SETX: variants seen among roughly 807,000 people sequenced by gnomAD.
The protein encoded by SETX is senataxin.
A neutral mutation model predicts 227.2 loss-of-function variants in SETX; 90 were observed. That is an observed-to-expected ratio of 0.40 (90% CI 0.33 to 0.47). SETX has a LOEUF of 0.47. SETX is among the 20% of genes least tolerant of loss of function. The pLI, the probability that SETX is intolerant of heterozygous loss-of-function variation, is 0.91. For synonymous variants in SETX, 1,210 were observed against 1,113.2 expected, an observed-to-expected ratio of 1.09 and a Z score of -1.73; for missense variants, 3,052 against 3,181.5, an observed-to-expected ratio of 0.96 and a Z score of 0.98.
intron 10 of SETX, among the ~76,000 whole-genome samples, chr9:132,325,766 C>A (rs1589732391): frequency 6.6e-6 from 1 of 151,896 alleles, no homozygotes. Context: ...AACCCCTTCT[C>A]TACTAAAAAT....
chr9:132,306,591 G>A (rs1402404495), intron 11 of SETX, among the ~76,000 whole-genome samples: 3 of 151,908 alleles, frequency 2.0e-5, no homozygotes, highest in African/African-American at 7.3e-5. Context: ...ATATAATTAG[G>A]TTCACCTACT....
intron 10 of SETX, among the ~76,000 whole-genome samples, chr9:132,316,496 TTA>T (rs1349510585): frequency 3.9e-5 from 6 of 151,920 alleles, no homozygotes; most frequent in South Asian, 2.1e-4. Flanking sequence ...CTAATGCTTT[TTA>T]TGTTTTTATG....
intron 4 of SETX, among the ~76,000 whole-genome samples, chr9:132,343,255 G>A (rs956200317): frequency 2.6e-5 from 4 of 152,160 alleles, no homozygotes; most frequent in African/African-American, 9.7e-5. Flanking sequence ...GGAGGTGGAG[G>A]TTGCAGTGAG....
intron 7 of SETX, among the ~76,000 whole-genome samples, chr9:132,333,934 T>C (rs1171069818): frequency 6.6e-6 from 1 of 152,100 alleles, no homozygotes; most frequent in Non-Finnish European, 1.5e-5. Flanking sequence ...AATAATCACA[T>C]GTGGCTGGCA....
At position 132,269,688 on chromosome 9, in the gene SETX, A is replaced by C; in HGVS notation, c.7214T>G (p.Leu2405Trp). ...TGTGATGGTGACATTCAATCTCTGCAAACTTGCCAGGAATCTAGGCAATAA... is the reference window on the plus strand; with the variant it reads ...TGTGATGGTGACATTCAATCTCTGCCAACTTGCCAGGAATCTAGGCAATAA... ...IQGSIGFLAS[L>W]QRLNVTITRA... is the part of the protein sequence containing the mutation. Residue 2405 changes from leucine (L) to tryptophan (W), a missense_variant, in exon 25 of 26, where the codon TTG (leucine) becomes TGG (tryptophan). Physicochemically the swap from Leu to Trp is moderately conservative, Grantham distance 61. Transcript: ENST00000224140. 7 of 1,614,230 alleles carry C rather than the reference A, an allele frequency of 4.3e-6. No homozygotes were observed. Among genetic ancestry groups the C allele is most frequent in the Non-Finnish European group, 5.9e-6 (7 of 1,180,014 alleles).
intron 23 of SETX, among the ~76,000 whole-genome samples, chr9:132,273,983 T>TA (rs397822912): frequency 2.6e-5 from 4 of 151,628 alleles, no homozygotes; most frequent in East Asian, 1.9e-4. Flanking sequence ...TTTTTTTTTT[T>TA]AAATCATCAA....
Position 132,354,934 on chromosome 9 carries a change from C to G in SETX, c.-132G>C, listed in dbSNP as rs933112992. 2.0e-5 allele frequency: 3 copies of G among 152,434 alleles called. No individual in the cohort carries two copies. Among genetic ancestry groups the G allele is most frequent in the Non-Finnish European group, 2.9e-5 (2 of 68,208 alleles). The allele number at this position is 152,434 out of a possible 1,614,324, so 9.4% of individuals were successfully genotyped here. On this transcript the variant is annotated 5_prime_UTR_variant, in exon 1 of 26. Coordinates refer to ENST00000224140, the MANE Select transcript of SETX (RefSeq NM_015046.7). ...ACCCTCACCGCTCTCTGGCTGGCGTCGGCCTCTAGCCCACCTCCATACCGG... is the reference window on the plus strand; with the variant it reads ...ACCCTCACCGCTCTCTGGCTGGCGTGGGCCTCTAGCCCACCTCCATACCGG...
chr9:132,354,073 C>T (rs1677658019), intron 1 of SETX, among the ~76,000 whole-genome samples: 1 of 152,224 alleles, frequency 6.6e-6, no homozygotes, highest in African/African-American at 2.4e-5. Flanking sequence ...TCGGCCTTCT[C>T]CTTGTGGAGC....
At chr9:132,300,479 G>C in intron 12 of SETX, 151 bp downstream of exon 12, 1 of 781,888 alleles carries the variant, frequency 1.3e-6, no homozygotes, top group Non-Finnish European at 2.1e-6. Context: ...AGAAAAACTA[G>C]AAAAGAGACT....
chr9:132,278,672 G>A (rs754288175), intron 20 of SETX, among the ~76,000 whole-genome samples: 1 of 151,940 alleles, frequency 6.6e-6, no homozygotes, highest in South Asian at 2.1e-4. Context: ...CTCATATACT[G>A]CTAATGAAAG....
At chr9:132,284,973 G>A (rs996104732) in intron 18 of SETX, among the ~76,000 whole-genome samples, 2 of 151,770 alleles carry the variant, frequency 1.3e-5, no homozygotes, top group Admixed American at 1.3e-4. Context: ...CTGCCTCCCA[G>A]GTTCACGCCA....
At chr9:132,310,689 G>A (rs1340508257) in intron 11 of SETX, among the ~76,000 whole-genome samples, 1 of 152,102 alleles carries the variant, frequency 6.6e-6, no homozygotes, top group Non-Finnish European at 1.5e-5. Context: ...GCATCTCAAT[G>A]TACAGCTGAC....
chr9:132,342,304 C>A (rs527731702), intron 5 of SETX, among the ~76,000 whole-genome samples: 1 of 152,296 alleles, frequency 6.6e-6, no homozygotes, highest in East Asian at 1.9e-4. Context: ...TCCCTCCCTA[C>A]CTTCCCTTGT....
intron 24 of SETX, among the ~76,000 whole-genome samples, chr9:132,270,724 C>G (rs1279690664): frequency 6.6e-6 from 1 of 152,178 alleles, no homozygotes; most frequent in Non-Finnish European, 1.5e-5. Flanking sequence ...TTTATTCTTA[C>G]ATTTAAATAT....
chr9:132,265,099 T>A, intron 25 of SETX, 114 bp from the exon 26 acceptor site: 2 of 1,243,816 alleles, frequency 1.6e-6, no homozygotes, highest in South Asian at 2.6e-5. Context: ...TATGAACATA[T>A]TCTCAAGATT....
rs1844083300 is a variant in SETX, at chr9:132,288,662, G to A, written c.6107-11C>T. The stretch of plus-strand genomic sequence containing the variant: ...TATCTCCACAGTTTCCTGTTGATAA[G>A]AATCACAGTTAAGGACTAATAAGGA... On this transcript the variant is annotated splice_polypyrimidine_tract_variant and intron_variant, in intron 15 of 25. Transcript: ENST00000224140. 1 of 1,569,376 alleles carries A rather than the reference G, an allele frequency of 6.4e-7. No individual in the cohort carries two copies. Among genetic ancestry groups the A allele is most frequent in the South Asian group, 1.1e-5 (1 of 90,018 alleles).
rs1733662979 is a variant in SETX at position 132,329,692 on chromosome 9, G to A, written c.1906C>T (p.His636Tyr). 6.2e-7 allele frequency: 1 copy of A among 1,614,048 alleles called. No homozygotes were observed. ...QMGKTSRKDM[H>Y]CLEASSPTFS... ...GTTGGGCTGGAAGCTTCCAAACAAT[G>A]CATATCTTTTCTAGACGTCTTCCCC... is the stretch of plus-strand genomic sequence containing the variant. The change falls in exon 10 of 26, where the codon CAT becomes TAT. Residue 636 changes from histidine (H) to tyrosine (Y), a missense_variant. By Grantham distance (83) the His-to-Tyr change is moderately conservative. Coordinates refer to ENST00000224140, the MANE Select transcript of SETX (RefSeq NM_015046.7).
chr9:132,276,897 T>A (rs1364488681), intron 22 of SETX, among the ~76,000 whole-genome samples, 163 bp downstream of exon 22: 1 of 152,150 alleles, frequency 6.6e-6, no homozygotes, highest in Non-Finnish European at 1.5e-5. Flanking sequence ...GGTAATATTA[T>A]CCCCATTATA....
chr9:132,333,402 A>T (rs1485941233), intron 7 of SETX, among the ~76,000 whole-genome samples: 5,345 of 73,466 alleles, frequency 0.073, 469 homozygotes, highest in African/African-American at 0.15. Flanking sequence ...AAAAAAGAAA[A>T]AAAAAAATAT....
Sources: gnomAD v4.1 joint callset for allele counts (sites outside exome capture counted in the v4.1 genomes callset) on GRCh38, gnomAD v4.1.1 for gene constraint, MANE v1.5 for transcripts, NCBI Gene and HGNC (gene_info 2026-07-23, HGNC 2026-07-21) for gene names.